ZC3H8: variants seen among roughly 807,000 people sequenced by gnomAD.
ZC3H8 encodes the protein zinc finger CCCH-type containing 8.
In ZC3H8, 27 loss-of-function variants were observed where a neutral mutation model predicts 42.5. The observed-to-expected ratio is 0.64, with a 90% CI of 0.47 to 0.88. The LOEUF (loss-of-function observed/expected upper bound fraction) is 0.88. Among genes scored for constraint, ZC3H8 ranks in the 40% least tolerant of loss-of-function variants. ZC3H8 has a pLI of 0.00. For synonymous variants in ZC3H8, 101 were observed against 110.1 expected (o/e 0.92, Z 0.52); for missense variants, 277 against 336.1 (o/e 0.82, Z 1.37).
chr2:112,230,820 T>C, intron 8 of ZC3H8, 83 bp downstream of exon 8: 5 of 852,644 alleles, frequency 5.9e-6, no homozygotes, highest in Non-Finnish European at 3.2e-6. Context: ...ATACTTCTAT[T>C]TGAGAACCCT....
At chr2:112,241,009 TTGTG>T (rs3048247) in intron 2 of ZC3H8, among the ~76,000 whole-genome samples, 29 of 145,462 alleles carry the variant, frequency 2.0e-4, no homozygotes, top group African/African-American at 4.3e-4. Flanking sequence ...GTGTTGTGTT[TTGTG>T]TGTGTGTGTG....
chr2:112,235,936 T>TAAAAA (rs11370016), intron 4 of ZC3H8, among the ~76,000 whole-genome samples: 1 of 122,602 alleles, frequency 8.2e-6, no homozygotes, highest in African/African-American at 3.1e-5. Context: ...AGTATAACAC[T>TAAAAA]AAAAAAAAAA....
In ZC3H8 at chr2:112,214,471, G is replaced by A. The variant is rs1159505935; in HGVS notation, c.*2013C>T. 3 of 151,918 alleles carry A rather than the reference G, an allele frequency of 2.0e-5. No individual in the cohort carries two copies. The highest frequency in any genetic ancestry group is 7.3e-5 in the African/African-American group (3 of 41,336). The allele number at this position is 151,918 out of a possible 1,614,324, so 9.4% of individuals were successfully genotyped here. ...CCTGGTTTGAATTTTTTAGACTATG[G>A]TTTTATTATATATATATTATATATG... On this transcript the variant is annotated 3_prime_UTR_variant, in exon 9 of 9. Transcript: ENST00000409573.
In ZC3H8 at chr2:112,215,764, G is replaced by A. The variant is rs139158942; in HGVS notation, c.*720C>T. The A allele has an allele frequency of 2.4e-4, 36 of 152,282 alleles. No homozygotes were observed. The East Asian group carries it at 6.4e-3, about 27-fold the overall frequency. The allele number at this position is 152,282 out of a possible 1,614,324, so 9.4% of individuals were successfully genotyped here. A position where few individuals can be genotyped will look rare whatever the true frequency, so the allele number is the denominator to read the frequency against. On this transcript the variant is annotated 3_prime_UTR_variant, in exon 9 of 9. Coordinates refer to ENST00000409573, the MANE Select transcript of ZC3H8 (RefSeq NM_032494.3). Reference sequence around the variant, plus strand: ...TGATACCATCACACTCCTAAAGTTTGTAACTCACACAAGTGTATAATCTGA... The same window carrying A: ...TGATACCATCACACTCCTAAAGTTTATAACTCACACAAGTGTATAATCTGA...
At chr2:112,220,161 T>C (rs982253653) in intron 8 of ZC3H8, among the ~76,000 whole-genome samples, 3 of 152,212 alleles carry the variant, frequency 2.0e-5, no homozygotes, top group African/African-American at 7.2e-5. Context: ...AAGGTTAGTA[T>C]TGATACATGC....
intron 8 of ZC3H8, among the ~76,000 whole-genome samples, chr2:112,224,551 C>T (rs1684732991): frequency 6.6e-6 from 1 of 152,188 alleles, no homozygotes; most frequent in Non-Finnish European, 1.5e-5. Context: ...AAGACTTGAA[C>T]ATAAATGTTC....
At chr2:112,238,183 T>C (rs1240767913) in intron 3 of ZC3H8, 132 bp downstream of exon 3, 5 of 937,260 alleles carry the variant, frequency 5.3e-6, no homozygotes, top group African/African-American at 1.7e-5. Flanking sequence ...AGCTCATGTC[T>C]GGTATAAATA....
chr2:112,219,325 A>G (rs1419718852), intron 8 of ZC3H8, among the ~76,000 whole-genome samples: 4 of 152,204 alleles, frequency 2.6e-5, no homozygotes, highest in African/African-American at 9.6e-5. Flanking sequence ...AAGACCATTC[A>G]ATGAAGGAAG....
rs185033620 is a variant in ZC3H8, at chr2:112,248,469, C to T, written c.156+1722G>A. On this transcript the variant is annotated intron_variant, in intron 2 of 8. Transcript: ENST00000409573. ...CTTATAAGTCTCAGTGACAATTTAA[C>T]CCATTCTTCTATAGTGTGTTAAAAC... 3.4e-4 allele frequency among the ~76,000 whole-genome samples: 52 copies of T among 152,252 alleles called. No homozygotes were observed. In the Middle Eastern group the frequency reaches 0.01, roughly 30 times the overall value.
chr2:112,239,033 C>T (rs1685470253), intron 2 of ZC3H8, among the ~76,000 whole-genome samples: 1 of 152,212 alleles, frequency 6.6e-6, no homozygotes, highest in Non-Finnish European at 1.5e-5. Context: ...TAGTCTTTCT[C>T]CTATAACTCA....
At chr2:112,225,139 T>G (rs1684761791) in intron 8 of ZC3H8, among the ~76,000 whole-genome samples, 1 of 152,236 alleles carries the variant, frequency 6.6e-6, no homozygotes, top group African/African-American at 2.4e-5. Flanking sequence ...TTCCTGAGAC[T>G]TTGCTGAATT....
intron 3 of ZC3H8, 56 bp downstream of exon 3, chr2:112,238,259 C>A: frequency 1.3e-6 from 2 of 1,547,826 alleles, no homozygotes; most frequent in Non-Finnish European, 1.8e-6. Context: ...CGTATATGGA[C>A]AACTGTGACT....
rs1342828409 is a variant in ZC3H8 at position 112,250,275 on chromosome 2, G to A, written c.75-3C>T. 1.3e-6 allele frequency: 2 copies of A among 1,544,164 alleles called. No individual in the cohort carries two copies. The highest frequency in any genetic ancestry group is 1.4e-5 in the African/African-American group (1 of 73,306). On this transcript the variant is annotated splice_region_variant and splice_polypyrimidine_tract_variant and intron_variant, in intron 1 of 8. Transcript: ENST00000409573. Reference sequence around the variant, plus strand: ...CTGTATCTATTTCATCATCGATTCTGTAGCAAAAATATCAAATAACACAAA... The same window carrying A: ...CTGTATCTATTTCATCATCGATTCTATAGCAAAAATATCAAATAACACAAA...
chr2:112,236,428 T>C, intron 4 of ZC3H8, 134 bp downstream of exon 4: 1 of 1,188,590 alleles, frequency 8.4e-7, no homozygotes. Flanking sequence ...TAAAAGGACA[T>C]CTTCATCCGA....
At chr2:112,232,008 A>G in intron 6 of ZC3H8, 61 bp from the exon 7 acceptor site, 1 of 1,040,190 alleles carries the variant, frequency 9.6e-7, no homozygotes, top group African/African-American at 1.6e-5. Context: ...TTATTAACTT[A>G]ATGACTTTAT....
At chr2:112,243,383 G>GCAAT (rs1267610007) in intron 2 of ZC3H8, among the ~76,000 whole-genome samples, 7 of 152,100 alleles carry the variant, frequency 4.6e-5, no homozygotes, top group Admixed American at 1.3e-4. Context: ...TGTCTTCCAG[G>GCAAT]CAATGTATAT....
At chr2:112,218,741 A>G (rs540056419) in intron 8 of ZC3H8, among the ~76,000 whole-genome samples, 7 of 152,306 alleles carry the variant, frequency 4.6e-5, no homozygotes, top group South Asian at 4.1e-4. Context: ...AAGGCTTCCC[A>G]TCAACAGTAG....
At chr2:112,234,489 T>TA (rs1685229703) in intron 4 of ZC3H8, among the ~76,000 whole-genome samples, 2 of 152,154 alleles carry the variant, frequency 1.3e-5, no homozygotes, top group South Asian at 4.1e-4. Context: ...CTTTATTTTG[T>TA]AAAAATGAAT....
intron 8 of ZC3H8, among the ~76,000 whole-genome samples, chr2:112,217,525 G>A (rs1375012828): frequency 6.6e-6 from 1 of 152,180 alleles, no homozygotes; most frequent in African/African-American, 2.4e-5. Context: ...GGTGCTTTAT[G>A]CATGTATAAT....
Sources: gnomAD v4.1 joint callset for allele counts (sites outside exome capture counted in the v4.1 genomes callset) on GRCh38, gnomAD v4.1.1 for gene constraint, MANE v1.5 for transcripts, NCBI Gene and HGNC (gene_info 2026-07-23, HGNC 2026-07-21) for gene names.